OR9G4: variants seen among roughly 807,000 people sequenced by gnomAD.
The protein encoded by OR9G4 is olfactory receptor 9G4.
A neutral mutation model predicts 16.7 loss-of-function variants in OR9G4; 19 were observed. The observed-to-expected ratio is 1.14, with a 90% CI of 0.79 to 1.67. The LOEUF is 1.67. Among genes scored for constraint, OR9G4 ranks in the 40% most tolerant of loss-of-function variants. OR9G4 has a pLI of 0.00. For missense variants in OR9G4, 428 were observed against 370.4 expected (o/e 1.16, Z -1.28); for synonymous variants, 182 against 146.2 (o/e 1.24, Z -1.76).
In OR9G4 at chr11:56,743,116, G is replaced by C. The variant is rs147926428; in HGVS notation, c.651C>G (p.Ser217=). The C allele has an allele frequency of 6.2e-7, 1 of 1,614,044 alleles. No homozygotes were observed. The highest frequency in any genetic ancestry group is 8.5e-7 in the Non-Finnish European group (1 of 1,180,028). ...VLSSILAILI[S]YVNILLAILR... ...GGATAGCCAGGAGGATGTTGACATA[G>C]GAAATCAGGATAGCAAGAATGCTGG... Residue 217 remains serine, a synonymous_variant, in exon 2 of 2, where the codon TCC becomes TCG. Transcript: ENST00000641668.
chr11:56,743,126 A>G lies in OR9G4; in HGVS notation c.641T>C (p.Ile214Thr). The G allele has an allele frequency of 6.2e-7, 1 of 1,614,206 alleles. No individual in the cohort carries two copies. Among genetic ancestry groups the G allele is most frequent in the South Asian group, 1.1e-5 (1 of 91,082 alleles). The change falls in exon 2 of 2, where the codon ATC becomes ACC. Residue 214 changes from isoleucine to threonine, a missense_variant. Physicochemically the swap from Ile to Thr is moderately conservative, Grantham distance 89 (BLOSUM62 -1). Coordinates refer to ENST00000641668, the MANE Select transcript of OR9G4 (RefSeq NM_001005284.2). ...GAGGATGTTGACATAGGAAATCAGG[A>G]TAGCAAGAATGCTGGAGAGTACTGT... ...GFTVLSSILA[I>T]LISYVNILLA...
chr11:56,742,736 G>T lies in OR9G4; in HGVS notation c.*92C>A. The T allele has an allele frequency of 9.2e-7, 1 of 1,082,264 alleles. No homozygotes were observed. Among genetic ancestry groups the T allele is most frequent in the South Asian group, 1.5e-5 (1 of 65,460 alleles). The allele number at this position is 1,082,264 out of a possible 1,614,324, so 67.0% of individuals were successfully genotyped here. ...TTTAATGTTTTAAATATGACTTATT[G>T]AACTTAATTGAACTACAGAAATGCA... On this transcript the variant is annotated 3_prime_UTR_variant, in exon 2 of 2. Coordinates refer to ENST00000641668, the MANE Select transcript of OR9G4 (RefSeq NM_001005284.2).
At position 56,742,917 on chromosome 11, in the gene OR9G4, G is replaced by A; in HGVS notation, c.850C>T (p.Leu284=). The change falls in exon 2 of 2, where the codon CTG becomes TTG. Residue 284 remains leucine, a synonymous_variant. Coordinates refer to ENST00000641668, the MANE Select transcript of OR9G4 (RefSeq NM_001005284.2). ...AGGCTATAGATGAGAGGGTTGAGCA[G>A]TGGGTTGATCACGGTGTAGAACAGA... The part of the protein sequence containing the change: ...AALFYTVINP[L]LNPLIYSLRN... The A allele has an allele frequency of 1.2e-6, 2 of 1,614,138 alleles. No homozygotes were observed. The highest frequency in any genetic ancestry group is 8.5e-7 in the Non-Finnish European group (1 of 1,179,984).
Position 56,742,646 on chromosome 11 carries a change from T to G in OR9G4, c.*182A>C, listed in dbSNP as rs1218706069. On this transcript the variant is annotated 3_prime_UTR_variant, in exon 2 of 2. Transcript: ENST00000641668. ...GCCAAACAACCCAATATTATAAGTT[T>G]TAAATATTACTTTGTTTTGTTTACA... The G allele has an allele frequency of 1.7e-6, 1 of 603,522 alleles. No individual in the cohort carries two copies. Among genetic ancestry groups the G allele is most frequent in the East Asian group, 2.8e-5 (1 of 35,682 alleles). 37.4% of individuals were successfully genotyped at this position (603,522 alleles called of 1,614,324 possible).
chr11:56,747,149 C>T (rs1417735062), intron 1 of OR9G4, among the ~76,000 whole-genome samples: 1 of 151,378 alleles, frequency 6.6e-6, no homozygotes, highest in South Asian at 2.1e-4. Context: ...CTCACTTTTT[C>T]TCAAATGTGC....
rs1178241210 is a variant in OR9G4 at position 56,742,877 on chromosome 11, A to G, written c.890T>C (p.Ile297Thr). 20 of 1,614,028 alleles carry G rather than the reference A, an allele frequency of 1.2e-5. No homozygotes were observed. The highest frequency in any genetic ancestry group is 1.7e-5 in the Non-Finnish European group (20 of 1,179,922). Residue 297 changes from isoleucine to threonine, a missense_variant, in exon 2 of 2, where the codon ATC (isoleucine) becomes ACC (threonine). Transcript: ENST00000641668. ...TGTTGCTTTCCTGAAGGCCTCTTTG[A>G]TATCTTTGTTTCTCAGGCTATAGAT... ...PLIYSLRNKD[I>T]KEAFRKATQT...
intron 1 of OR9G4, chr11:56,744,094 A>C (rs1858365967): frequency 6.0e-6 from 2 of 330,686 alleles, no homozygotes; most frequent in Non-Finnish European, 1.1e-5. Context: ...TTGAGATGGA[A>C]TCTCACTCTG....
intron 1 of OR9G4, among the ~76,000 whole-genome samples, chr11:56,747,912 G>A (rs1565066512): frequency 6.6e-6 from 1 of 152,178 alleles, no homozygotes; most frequent in Non-Finnish European, 1.5e-5. Flanking sequence ...CTCACCTCGT[G>A]ATCCGCCCTC....
At position 56,743,047 on chromosome 11, in the gene OR9G4, G is replaced by C; in HGVS notation, c.720C>G (p.Thr240=). Residue 240 remains threonine, a synonymous_variant, in exon 2 of 2, where the codon ACC becomes ACG. Coordinates refer to ENST00000641668, the MANE Select transcript of OR9G4 (RefSeq NM_001005284.2). ...SASGRHKAFS[T]CASHLISVML... ...TGACTGAGATGAGGTGGGAAGCACAGGTGGAGAATGCCTTGTGTCTTCCTG... is the reference window on the plus strand; with the variant it reads ...TGACTGAGATGAGGTGGGAAGCACACGTGGAGAATGCCTTGTGTCTTCCTG... The C allele has an allele frequency of 6.2e-7, 1 of 1,614,076 alleles. No individual in the cohort carries two copies. Among genetic ancestry groups the C allele is most frequent in the South Asian group, 1.1e-5 (1 of 91,076 alleles).
rs1243793407 is a variant in OR9G4, at chr11:56,743,411, G to T, written c.356C>A (p.Ala119Glu). 1 of 1,614,118 alleles carries T rather than the reference G, an allele frequency of 6.2e-7. No individual in the cohort carries two copies. ...ACAAATTGCTGCATGGCGGTCATAT[G>T]CCATGGCTGCCAGGAGATAGCATTC... is the stretch of plus-strand genomic sequence containing the variant. ...YTECYLLAAM[A>E]YDRHAAICNP... The change falls in exon 2 of 2, where the codon GCA (alanine) becomes GAA (glutamate). Residue 119 changes from alanine (A) to glutamate (E), a missense_variant. By Grantham distance (107) the Ala-to-Glu change is moderately radical. Coordinates refer to ENST00000641668, the MANE Select transcript of OR9G4 (RefSeq NM_001005284.2).
intron 1 of OR9G4, among the ~76,000 whole-genome samples, chr11:56,744,855 A>G (rs924563207): frequency 1.3e-5 from 2 of 152,294 alleles, no homozygotes; most frequent in East Asian, 3.9e-4. Flanking sequence ...TATATGATCC[A>G]GCCTACAGTG....
In OR9G4 at chr11:56,743,529, T is replaced by G. The variant is rs774721369; in HGVS notation, c.238A>C (p.Lys80Gln). 8 of 1,614,124 alleles carry G rather than the reference T, an allele frequency of 5.0e-6. No homozygotes were observed. Among genetic ancestry groups the G allele is most frequent in the Non-Finnish European group, 5.9e-6 (7 of 1,180,014 alleles). ...TCTGAGACACAACTGGCCAGGATTTTGGGGGTATACACAGAGGTATACCAG... is the reference window on the plus strand; with the variant it reads ...TCTGAGACACAACTGGCCAGGATTTGGGGGGTATACACAGAGGTATACCAG... The part of the protein sequence containing the change: ...DFWYTSVYTP[K>Q]ILASCVSEDK... The change falls in exon 2 of 2, where the codon AAA (lysine) becomes CAA (glutamine). Residue 80 changes from lysine to glutamine, a missense_variant. Physicochemically the swap from Lys to Gln is moderately conservative, Grantham distance 53. Transcript: ENST00000641668.
chr11:56,746,919 A>G (rs765880061), intron 1 of OR9G4, among the ~76,000 whole-genome samples: 6 of 151,982 alleles, frequency 3.9e-5, no homozygotes, highest in Non-Finnish European at 8.8e-5. Flanking sequence ...TTTCTAACTC[A>G]TCTACACCCT....
chr11:56,742,765 G>T lies in OR9G4; in HGVS notation c.*63C>A. On this transcript the variant is annotated 3_prime_UTR_variant, in exon 2 of 2. Coordinates refer to ENST00000641668, the MANE Select transcript of OR9G4 (RefSeq NM_001005284.2). ...TTAATTGAACTACAGAAATGCAAAT[G>T]AACACATTTATAAGCCAATAATCTG... is the stretch of plus-strand genomic sequence containing the variant. 3.5e-6 allele frequency: 5 copies of T among 1,419,146 alleles called. No individual in the cohort carries two copies. Among genetic ancestry groups the T allele is most frequent in the African/African-American group, 1.4e-5 (1 of 70,154 alleles). 87.9% of individuals were successfully genotyped at this position (1,419,146 alleles called of 1,614,324 possible). A position where few individuals can be genotyped will look rare whatever the true frequency, so the allele number is the denominator to read the frequency against.
At position 56,743,674 on chromosome 11, in the gene OR9G4, A is replaced by T. The variant is rs1408375091; in HGVS notation, c.93T>A (p.Phe31Leu). Residue 31 changes from phenylalanine (F) to leucine (L), a missense_variant, in exon 2 of 2, where the codon TTT becomes TTA. Coordinates refer to ENST00000641668, the MANE Select transcript of OR9G4 (RefSeq NM_001005284.2). Reference sequence around the variant, plus strand: ...ACAAGGTTATCAAATAGAGCATCAGAAACACTCCAAATAGAATCGGCTGCC... The same window carrying T: ...ACAAGGTTATCAAATAGAGCATCAGTAACACTCCAAATAGAATCGGCTGCC... The part of the protein sequence containing the change: ...SQWQPILFGV[F>L]LMLYLITLSG... 6.2e-7 allele frequency: 1 copy of T among 1,614,184 alleles called. No homozygotes were observed. The highest frequency in any genetic ancestry group is 8.5e-7 in the Non-Finnish European group (1 of 1,180,030).
rs770660319 is a variant in OR9G4, at chr11:56,743,422, CAGG to C, written c.342_344del (p.Leu115del). On this transcript the variant is annotated inframe_deletion, in exon 2 of 2. Coordinates refer to ENST00000641668, the MANE Select transcript of OR9G4 (RefSeq NM_001005284.2). ...CATGGCGGTCATATGCCATGGCTGC[CAGG>C]AGATAGCATTCAGTGTAGGCTACAA... 12 of 1,614,060 alleles carry C rather than the reference CAGG, an allele frequency of 7.4e-6. No homozygotes were observed. The highest frequency in any genetic ancestry group is 9.3e-6 in the Non-Finnish European group (11 of 1,180,028).
chr11:56,743,302 A>G lies in OR9G4; in HGVS notation c.465T>C (p.Asn155=). The G allele has an allele frequency of 6.2e-7, 1 of 1,614,192 alleles. No homozygotes were observed. Among genetic ancestry groups the G allele is most frequent in the Non-Finnish European group, 8.5e-7 (1 of 1,180,034 alleles). ...VAGSYIGGFL[N]AIAHTANTFR... is the part of the protein sequence containing the mutation. ...ATGTATTGGCAGTATGGGCTATGGC[A>G]TTCAAAAATCCTCCTATGTAGGAGC... Residue 155 remains asparagine (N), a synonymous_variant, in exon 2 of 2, where the codon AAT becomes AAC. Coordinates refer to ENST00000641668, the MANE Select transcript of OR9G4 (RefSeq NM_001005284.2).
intron 1 of OR9G4, among the ~76,000 whole-genome samples, 159 bp downstream of exon 1, chr11:56,748,497 T>A (rs1267177222): frequency 6.6e-6 from 1 of 152,242 alleles, no homozygotes; most frequent in Non-Finnish European, 1.5e-5. Flanking sequence ...CTGAATGGAA[T>A]TTGATTTACT....
intron 1 of OR9G4, among the ~76,000 whole-genome samples, chr11:56,745,296 T>G (rs983219571): frequency 6.6e-6 from 1 of 152,188 alleles, no homozygotes; most frequent in Non-Finnish European, 1.5e-5. Context: ...TCCATGTAAC[T>G]TGGCAAAGGA....
Sources: gnomAD v4.1 joint callset for allele counts (sites outside exome capture counted in the v4.1 genomes callset) on GRCh38, gnomAD v4.1.1 for gene constraint, MANE v1.5 for transcripts, NCBI Gene and HGNC (gene_info 2026-07-23, HGNC 2026-07-21) for gene names.